The following FER1L5 variants were observed in gnomAD, a reference collection of about 807,000 sequenced individuals.
FER1L5 encodes fer-1-like protein 5.
A neutral mutation model predicts 279.9 loss-of-function variants in FER1L5; 187 were observed. The ratio of observed to expected loss-of-function variants is 0.67; its 90% CI spans 0.59 to 0.75. The LOEUF (loss-of-function observed/expected upper bound fraction) is 0.75. Ranked by LOEUF, FER1L5 falls within the 30% of genes least tolerant of loss-of-function variation. The pLI is 0.00. For synonymous variants in FER1L5, 921 were observed against 989.7 expected (o/e 0.93, Z 1.30); for missense variants, 2,091 against 2,594.4 (o/e 0.81, Z 4.21).
chr2:96,650,281 C>A lies in FER1L5; in HGVS notation c.496C>A (p.His166Asn), dbSNP rs1281039551. 1.0e-5 allele frequency: 16 copies of A among 1,551,556 alleles called. No homozygotes were observed. The highest frequency in any genetic ancestry group is 1.4e-5 in the Non-Finnish European group (16 of 1,146,852). The change falls in exon 6 of 53, where the codon CAC becomes AAC. Residue 166 changes from histidine (H) to asparagine (N), a missense_variant. Physicochemically the swap from His to Asn is moderately conservative, Grantham distance 68 (BLOSUM62 1). Transcript: ENST00000624922. ...CAGGGCTCTGTCCTCAAAGCCTCAG[C>A]ACTTTCAGGTGAGGACCTTCCAGGT... ...AHRALSSKPQ[H>N]FQVRVKVFEA...
At position 96,685,344 on chromosome 2, in the gene FER1L5, A is replaced by C; in HGVS notation, c.1810A>C (p.Thr604Pro). 1 of 1,551,214 alleles carries C rather than the reference A, an allele frequency of 6.4e-7. No individual in the cohort carries two copies. Among genetic ancestry groups the C allele is most frequent in the Non-Finnish European group, 8.7e-7 (1 of 1,146,830 alleles). Residue 604 changes from threonine to proline, a missense_variant, in exon 21 of 53, where the codon ACC becomes CCC. Physicochemically the swap from Thr to Pro is conservative, Grantham distance 38. Transcript: ENST00000624922. ...TRDRLKANLD[T>P]LKSTRNPKDP... is the part of the protein sequence containing the mutation. ...TGCTGGGCAGAAAGCCAACCTGGAC[A>C]CCCTGAAATCCACGCGGAATCCGAA... is the stretch of plus-strand genomic sequence containing the variant.
In FER1L5 at chr2:96,698,663, C is replaced by G. The variant is rs772953698; in HGVS notation, c.4357-8C>G. The stretch of plus-strand genomic sequence containing the variant: ...CAGGCTGGGCCCCCAACACCCTCCC[C>G]CCGCCAGGGCCTTTTCCGCATCTAC... On this transcript the variant is annotated splice_polypyrimidine_tract_variant and splice_region_variant and intron_variant, in intron 40 of 52. Transcript: ENST00000624922. This position sits in a 1 kb window ranked among gnomAD's most constrained non-coding sequence, Gnocchi z 5.5. 2.5e-6 allele frequency: 4 copies of G among 1,577,602 alleles called. No individual in the cohort carries two copies. Among genetic ancestry groups the G allele is most frequent in the East Asian group, 2.4e-5 (1 of 42,528 alleles).
At chr2:96,663,303 C>G in intron 13 of FER1L5, 136 bp from the exon 14 acceptor site, 2 of 767,778 alleles carry the variant, frequency 2.6e-6, no homozygotes, top group South Asian at 3.1e-5. Context: ...GTGCAGGTGT[C>G]TTGAGAGCAG....
intron 14 of FER1L5, among the ~76,000 whole-genome samples, chr2:96,665,674 G>A (rs1422328970): frequency 2.6e-5 from 4 of 150,978 alleles, no homozygotes; most frequent in East Asian, 3.9e-4. Context: ...GCGCGATCTC[G>A]GCTCACTGCA....
chr2:96,648,025 A>C, intron 4 of FER1L5, 139 bp downstream of exon 4: 1 of 645,768 alleles, frequency 1.5e-6, no homozygotes, highest in Non-Finnish European at 2.8e-6. Flanking sequence ...CTCCCTTGCC[A>C]TCATCTGCGC....
intron 6 of FER1L5, among the ~76,000 whole-genome samples, 165 bp from the exon 7 acceptor site, chr2:96,651,727 G>A (rs938593326): frequency 6.6e-6 from 1 of 151,972 alleles, no homozygotes. Context: ...ATCTGGTCTC[G>A]AACTCCTGGG....
chr2:96,650,370 C>G (rs2075311369), intron 6 of FER1L5, 81 bp downstream of exon 6: 1 of 1,188,452 alleles, frequency 8.4e-7, no homozygotes, highest in Non-Finnish European at 1.2e-6. Flanking sequence ...CTCACCCCTC[C>G]CCAAGGTCAT....
At chr2:96,671,807 G>A (rs1284858778) in intron 18 of FER1L5, among the ~76,000 whole-genome samples, 1 of 152,350 alleles carries the variant, frequency 6.6e-6, no homozygotes, top group Non-Finnish European at 1.5e-5. Flanking sequence ...GCAGAAAGGA[G>A]TGACCAGCAA....
In FER1L5 at chr2:96,703,093, AG is replaced by A; in HGVS notation, c.5497+19del. 6.2e-7 allele frequency: 1 copy of A among 1,613,670 alleles called. No homozygotes were observed. Among genetic ancestry groups the A allele is most frequent in the East Asian group, 2.2e-5 (1 of 44,872 alleles). On this transcript the variant is annotated intron_variant, in intron 49 of 52. Transcript: ENST00000624922. Reference sequence around the variant, plus strand: ...GACTTCCTAGGTGAGGTCCTGACACAGGGCTTGTGACCACAGGACAGGGAGC... The same window carrying A: ...GACTTCCTAGGTGAGGTCCTGACACAGGCTTGTGACCACAGGACAGGGAGC...
chr2:96,645,046 T>C (rs1219893653), intron 1 of FER1L5, among the ~76,000 whole-genome samples: 2 of 152,218 alleles, frequency 1.3e-5, no homozygotes, highest in Non-Finnish European at 2.9e-5. Flanking sequence ...ATTCCTTTTG[T>C]CCTTCCCAGC....
chr2:96,661,543 G>C, intron 11 of FER1L5, 103 bp downstream of exon 11: 1 of 1,503,800 alleles, frequency 6.6e-7, no homozygotes, highest in Non-Finnish European at 9.0e-7. Context: ...TCCTTTGTCC[G>C]CTGCGTCACT....
intron 9 of FER1L5, among the ~76,000 whole-genome samples, chr2:96,655,400 G>T (rs2075558871): frequency 6.6e-6 from 1 of 152,192 alleles, no homozygotes; most frequent in African/African-American, 2.4e-5. Context: ...TTAAATATAA[G>T]TATGTCCCAA....
intron 11 of FER1L5, 74 bp from the exon 12 acceptor site, chr2:96,661,594 G>A: frequency 1.3e-6 from 2 of 1,543,468 alleles, no homozygotes; most frequent in Non-Finnish European, 1.8e-6. Context: ...TGGGAAGTTG[G>A]AGAAGCAAAG....
At chr2:96,683,048 A>T (rs1288679706) in intron 19 of FER1L5, among the ~76,000 whole-genome samples, 2 of 152,142 alleles carry the variant, frequency 1.3e-5, no homozygotes, top group African/African-American at 4.8e-5. Context: ...TCACCCAGAG[A>T]GCCACACTGG....
Position 96,659,347 on chromosome 2 carries a change from TTCC to T in FER1L5, c.748-992_748-990del, listed in dbSNP as rs1558853307. On this transcript the variant is annotated intron_variant, in intron 9 of 52. Transcript: ENST00000624922. Reference sequence around the variant, plus strand: ...CTTCCTTCCTTCCTTCCTTCCTTCCTTCCTTCCTTCCTTCCTTCTTTCTTTCTT... The same window carrying T: ...CTTCCTTCCTTCCTTCCTTCCTTCCTTTCCTTCCTTCCTTCTTTCTTTCTT... Among the ~76,000 whole-genome samples, 10 of 85,290 alleles carry T rather than the reference TTCC, an allele frequency of 1.2e-4. 2 individuals carry two copies. Among genetic ancestry groups the T allele is most frequent in the South Asian group, 1.6e-3 (2 of 1,222 alleles). 56.0% of individuals were successfully genotyped at this position (85,290 alleles called of 152,430 possible). A position where few individuals can be genotyped will look rare whatever the true frequency, so the allele number is the denominator to read the frequency against.
chr2:96,673,801 C>G (rs959322297), intron 19 of FER1L5, among the ~76,000 whole-genome samples: 2 of 152,236 alleles, frequency 1.3e-5, no homozygotes, highest in Non-Finnish European at 2.9e-5. Context: ...TGACCCCACG[C>G]TAGCCCTAGA....
intron 19 of FER1L5, among the ~76,000 whole-genome samples, chr2:96,676,619 CAGGTATT>C (rs1287389875): frequency 6.7e-6 from 1 of 150,300 alleles, no homozygotes; most frequent in Non-Finnish European, 1.5e-5. Context: ...TCGTTTTCAT[CAGGTATT>C]TTTTGTTTTT....
chr2:96,670,384 G>A lies in FER1L5; in HGVS notation c.1491+137G>A, dbSNP rs187711579. ...AGTGTGTAAGGATGCCTGATCAATC[G>A]GCCTGATTATTTACTAAGGCCCTGC... On this transcript the variant is annotated intron_variant, in intron 18 of 52. Coordinates refer to ENST00000624922, the MANE Select transcript of FER1L5 (RefSeq NM_001293083.2). The A allele has an allele frequency of 1.9e-5, 22 of 1,173,682 alleles. No individual in the cohort carries two copies. In the East Asian group the frequency reaches 3.1e-4, roughly 17 times the overall value. The allele number at this position is 1,173,682 out of a possible 1,614,324, so 72.7% of individuals were successfully genotyped here. A position where few individuals can be genotyped will look rare whatever the true frequency, so the allele number is the denominator to read the frequency against.
chr2:96,660,136 T>C (rs1250771571), intron 9 of FER1L5, among the ~76,000 whole-genome samples: 1 of 152,144 alleles, frequency 6.6e-6, no homozygotes, highest in Non-Finnish European at 1.5e-5. Flanking sequence ...TTGTAAGACT[T>C]TGGGCACCTC....
Sources: gnomAD v4.1 joint callset for allele counts (sites outside exome capture counted in the v4.1 genomes callset) on GRCh38, gnomAD v4.1.1 for gene constraint, Gnocchi (gnomAD v3.1) non-coding constraint, MANE v1.5 for transcripts, NCBI Gene and HGNC (gene_info 2026-07-23, HGNC 2026-07-21) for gene names.